RIMBP2: variants seen among roughly 807,000 people sequenced by gnomAD.
RIMBP2 encodes RIMS binding protein 2, also known as RIMS-binding protein 2.
RIMBP2 carries 48 observed loss-of-function variants against 118.6 expected under a neutral mutation model. That is an observed-to-expected ratio of 0.40 (90% confidence interval 0.32 to 0.51). RIMBP2 has a LOEUF of 0.51. Ranked by LOEUF, RIMBP2 falls within the 20% of genes least tolerant of loss-of-function variation. The pLI is 0.41. For synonymous variants in RIMBP2, 762 were observed against 742.9 expected (o/e 1.03, Z -0.42); for missense variants, 1,551 against 1,768.3 (o/e 0.88, Z 2.20).
intron 2 of RIMBP2, among the ~76,000 whole-genome samples, chr12:130,521,306 C>G (rs1430100637): frequency 6.6e-6 from 1 of 152,194 alleles, no homozygotes; most frequent in Non-Finnish European, 1.5e-5. Flanking sequence ...TGGTTGCACG[C>G]TTGAGATCAG....
At chr12:130,633,162 C>T (rs1289031207) in intron 1 of RIMBP2, among the ~76,000 whole-genome samples, 1 of 152,150 alleles carries the variant, frequency 6.6e-6, no homozygotes, top group Non-Finnish European at 1.5e-5. Context: ...TAACAGCGGA[C>T]CTACATGAAA....
chr12:130,626,400 G>T (rs375178902), intron 2 of RIMBP2, among the ~76,000 whole-genome samples: 1 of 116,064 alleles, frequency 8.6e-6, no homozygotes, highest in African/African-American at 3.9e-5. Context: ...CACGACTACC[G>T]CCAGCATCAC....
At chr12:130,585,283 T>G (rs565850564) in intron 2 of RIMBP2, among the ~76,000 whole-genome samples, 9 of 152,136 alleles carry the variant, frequency 5.9e-5, no homozygotes, top group Non-Finnish European at 1.2e-4. Context: ...GGTTTGTTAC[T>G]TTCTGCTCAT....
At chr12:130,480,328 G>A (rs528767079) in intron 4 of RIMBP2, among the ~76,000 whole-genome samples, 1 of 152,238 alleles carries the variant, frequency 6.6e-6, no homozygotes, top group South Asian at 2.1e-4. Flanking sequence ...GGCCACGCAT[G>A]CCTCCAGGAA....
chr12:130,447,741 C>T lies in RIMBP2; in HGVS notation c.581+2459G>A, dbSNP rs376275959. On this transcript the variant is annotated intron_variant, in intron 9 of 22. Coordinates refer to ENST00000690449, the MANE Select transcript of RIMBP2 (RefSeq NM_001393629.1). This position sits in a 1 kb window ranked among gnomAD's most constrained non-coding sequence, Gnocchi z 4.4. ...AATGTGTCAGCCTCACCCTGGACCT[C>T]GGGTGGGAAGGACCCAGGAGCCCTC... is the stretch of plus-strand genomic sequence containing the variant. Among the ~76,000 whole-genome samples the T allele has an allele frequency of 2.0e-5, 3 of 152,216 alleles. No homozygotes were observed. The South Asian group carries it at 6.2e-4, about 32-fold the overall frequency.
intron 1 of RIMBP2, among the ~76,000 whole-genome samples, chr12:130,671,619 G>T (rs1323116666): frequency 6.6e-6 from 1 of 152,150 alleles, no homozygotes; most frequent in Non-Finnish European, 1.5e-5. Flanking sequence ...ACTGTGGGCT[G>T]CCTCATCTGT....
At chr12:130,453,074 A>G (rs886459928) in intron 7 of RIMBP2, among the ~76,000 whole-genome samples, 1 of 152,208 alleles carries the variant, frequency 6.6e-6, no homozygotes, top group African/African-American at 2.4e-5. Flanking sequence ...TGTTCTAGAA[A>G]AATATAGGTC....
At chr12:130,543,658 T>C (rs2054819125) in intron 2 of RIMBP2, among the ~76,000 whole-genome samples, 1 of 151,982 alleles carries the variant, frequency 6.6e-6, no homozygotes, top group South Asian at 2.1e-4. Flanking sequence ...AAGGAAGATT[T>C]CTTCCATTCC....
At chr12:130,493,917 T>A (rs987935692) in intron 4 of RIMBP2, among the ~76,000 whole-genome samples, 1 of 152,144 alleles carries the variant, frequency 6.6e-6, no homozygotes, top group Non-Finnish European at 1.5e-5. Context: ...CTCTCCTCTG[T>A]CCAGTGTTTC....
intron 2 of RIMBP2, among the ~76,000 whole-genome samples, chr12:130,580,778 A>G (rs1251516159): frequency 2.0e-5 from 3 of 152,018 alleles, no homozygotes; most frequent in Non-Finnish European, 4.4e-5. Flanking sequence ...CATCTCTACT[A>G]AAAATACAAA....
In RIMBP2 at chr12:130,397,367, C is replaced by A; in HGVS notation, c.4083G>T (p.Val1361=). Residue 1361 remains valine (V), a synonymous_variant, in exon 23 of 23, where the codon GTG becomes GTT. Coordinates refer to ENST00000690449, the MANE Select transcript of RIMBP2 (RefSeq NM_001393629.1). ...GKKLLKKLGA[V]K The stretch of plus-strand genomic sequence containing the variant: ...TTGTCCGGAAGCACATGAATCATTT[C>A]ACTGCACCCAGCTTTTTCAGCAGTT... 2.5e-6 allele frequency: 1 copy of A among 399,010 alleles called. No individual in the cohort carries two copies. Among genetic ancestry groups the A allele is most frequent in the South Asian group, 1.3e-4 (1 of 7,844 alleles). The allele number at this position is 399,010 out of a possible 1,614,324, so 24.7% of individuals were successfully genotyped here. A position where few individuals can be genotyped will look rare whatever the true frequency, so the allele number is the denominator to read the frequency against.
intron 2 of RIMBP2, among the ~76,000 whole-genome samples, chr12:130,589,233 T>C (rs1191654057): frequency 6.6e-6 from 1 of 152,216 alleles, no homozygotes; most frequent in Non-Finnish European, 1.5e-5. Flanking sequence ...GTGGGCTCTT[T>C]CATCAAAAGA....
At chr12:130,658,670 G>A (rs2063527045) in intron 1 of RIMBP2, 1 of 152,244 alleles carries the variant, frequency 6.6e-6, no homozygotes, top group Admixed American at 6.5e-5. Context: ...AGTCCACAGA[G>A]GAGCAAGGCT....
rs1213311900 is a variant in RIMBP2, at chr12:130,475,239, C to A, written c.102+3673G>T. 6.6e-6 allele frequency among the ~76,000 whole-genome samples: 1 copy of A among 152,190 alleles called. No homozygotes were observed. Among genetic ancestry groups the A allele is most frequent in the African/African-American group, 2.4e-5 (1 of 41,446 alleles). On this transcript the variant is annotated intron_variant, in intron 5 of 22. Transcript: ENST00000690449. The surrounding 1 kb of genome is among the most constrained non-coding windows in gnomAD (Gnocchi z 4.1). ...ATGCTTTCCCTTTCACATGATCTTA[C>A]GTGCTTCTCCCGACCGCCATGCAGG... is the stretch of plus-strand genomic sequence containing the variant.
intron 1 of RIMBP2, among the ~76,000 whole-genome samples, chr12:130,655,876 C>T (rs771957301): frequency 6.6e-6 from 1 of 152,186 alleles, no homozygotes; most frequent in Non-Finnish European, 1.5e-5. Context: ...GGAATGTGGG[C>T]GGAGGCACCA....
chr12:130,690,253 G>A (rs1406021573), intron 1 of RIMBP2, among the ~76,000 whole-genome samples: 1 of 152,166 alleles, frequency 6.6e-6, no homozygotes, highest in African/African-American at 2.4e-5. Flanking sequence ...CATGCCCTGG[G>A]GGTGGGGATC....
At chr12:130,503,972 TATC>T (rs1365204702) in intron 4 of RIMBP2, among the ~76,000 whole-genome samples, 2 of 152,208 alleles carry the variant, frequency 1.3e-5, no homozygotes, top group Admixed American at 1.3e-4. Context: ...AGTCATCAAT[TATC>T]ATTTTTTAAG....
chr12:130,690,748 G>C (rs550831199), intron 1 of RIMBP2, among the ~76,000 whole-genome samples: 36 of 152,302 alleles, frequency 2.4e-4, no homozygotes, highest in African/African-American at 8.4e-4. Flanking sequence ...CAAAAGGTCT[G>C]AGATTTTTCT....
chr12:130,645,756 A>G (rs1594133951), intron 1 of RIMBP2, among the ~76,000 whole-genome samples: 1 of 152,308 alleles, frequency 6.6e-6, no homozygotes, highest in East Asian at 1.9e-4. Context: ...TTATCGCTGG[A>G]CTTTCAGGTT....
Sources: gnomAD v4.1 joint callset for allele counts (sites outside exome capture counted in the v4.1 genomes callset) on GRCh38, gnomAD v4.1.1 for gene constraint, Gnocchi (gnomAD v3.1) non-coding constraint, MANE v1.5 for transcripts, NCBI Gene and HGNC (gene_info 2026-07-23, HGNC 2026-07-21) for gene names.